CLINT1: variants seen among roughly 807,000 people sequenced by gnomAD.
The protein encoded by CLINT1 is clathrin interacting protein localized in the trans-Golgi region.
A neutral mutation model predicts 70.4 loss-of-function variants in CLINT1; 15 were observed. That is an observed-to-expected ratio of 0.21 (90% confidence interval 0.14 to 0.33). The LOEUF is 0.33. Ranked by LOEUF, CLINT1 falls within the 10% of genes least tolerant of loss-of-function variation. The probability of loss-of-function intolerance (pLI) is 1.00; values close to 1 mark genes in which losing one functional copy is unlikely to be tolerated. For synonymous variants in CLINT1, 227 were observed against 254.7 expected, an observed-to-expected ratio of 0.89 and a Z score of 1.04; for missense variants, 615 against 778.1, an observed-to-expected ratio of 0.79 and a Z score of 2.49.
At chr5:157,851,930 T>G (rs2113334822) in intron 1 of CLINT1, among the ~76,000 whole-genome samples, 1 of 152,286 alleles carries the variant, frequency 6.6e-6, no homozygotes, top group South Asian at 2.1e-4. Flanking sequence ...AGCCAAATAA[T>G]TTCTTGCCAA....
At chr5:157,812,871 C>T (rs776421900) in intron 5 of CLINT1, among the ~76,000 whole-genome samples, 192 bp downstream of exon 5, 5 of 152,140 alleles carry the variant, frequency 3.3e-5, no homozygotes, top group East Asian at 3.9e-4. Context: ...ATCCTATTGC[C>T]GAACCCACAA....
At chr5:157,842,745 C>G (rs1753229017) in intron 1 of CLINT1, among the ~76,000 whole-genome samples, 1 of 152,132 alleles carries the variant, frequency 6.6e-6, no homozygotes, top group African/African-American at 2.4e-5. Context: ...AGTTTAAGCT[C>G]CTAGGGTTCA....
At chr5:157,828,789 T>C (rs1445998958) in intron 1 of CLINT1, among the ~76,000 whole-genome samples, 1 of 151,724 alleles carries the variant, frequency 6.6e-6, no homozygotes, top group Non-Finnish European at 1.5e-5. Flanking sequence ...ACCACCTGCA[T>C]AGATAAAAAC....
At chr5:157,814,402 C>T in intron 3 of CLINT1, 109 bp from the exon 4 acceptor site, 1 of 757,670 alleles carries the variant, frequency 1.3e-6, no homozygotes, top group Non-Finnish European at 2.1e-6. Flanking sequence ...AATCTTCATG[C>T]TGGTGGTGAG....
rs1008496766 is a variant in CLINT1 at position 157,843,552 on chromosome 5, G to A, written c.41+15378C>T. On this transcript the variant is annotated intron_variant, in intron 1 of 11. Transcript: ENST00000411809. ...CTTATCCTCATTTTATACAGCAGAAGTAGAGGAAGTATCTTGACTCACGTC... is the reference window on the plus strand; with the variant it reads ...CTTATCCTCATTTTATACAGCAGAAATAGAGGAAGTATCTTGACTCACGTC... Among the ~76,000 whole-genome samples, 4 of 152,180 alleles carry A rather than the reference G, an allele frequency of 2.6e-5. No individual in the cohort carries two copies. The South Asian group carries it at 8.3e-4, about 31-fold the overall frequency.
At chr5:157,817,574 C>A (rs1229504686) in intron 1 of CLINT1, 27 bp from the exon 2 acceptor site, 1 of 1,410,030 alleles carries the variant, frequency 7.1e-7, no homozygotes, top group South Asian at 1.2e-5. Context: ...TGCACGCACA[C>A]ATGCACAAAG....
At chr5:157,825,788 C>T (rs1763017080) in intron 1 of CLINT1, among the ~76,000 whole-genome samples, 1 of 152,122 alleles carries the variant, frequency 6.6e-6, no homozygotes, top group South Asian at 2.1e-4. Context: ...ACTCTCACAT[C>T]AATTCTACTT....
At chr5:157,815,463 T>C (rs10043067) in intron 3 of CLINT1, among the ~76,000 whole-genome samples, 2,263 of 152,308 alleles carry the variant, frequency 0.015, 56 homozygotes, top group African/African-American at 0.051. Flanking sequence ...TACTATATAA[T>C]AAATTGTACA....
intron 1 of CLINT1, among the ~76,000 whole-genome samples, chr5:157,821,120 C>A (rs557558018): frequency 3.3e-5 from 5 of 152,060 alleles, no homozygotes; most frequent in Non-Finnish European, 5.9e-5. Context: ...GTTGAAGGCT[C>A]AAAGTCTTTG....
chr5:157,840,767 T>C (rs1753147224), intron 1 of CLINT1, among the ~76,000 whole-genome samples: 1 of 152,104 alleles, frequency 6.6e-6, no homozygotes, highest in African/African-American at 2.4e-5. Context: ...GCTGGCATGG[T>C]GGCTCACGCT....
At chr5:157,856,323 A>G (rs1159636008) in intron 1 of CLINT1, among the ~76,000 whole-genome samples, 1 of 152,190 alleles carries the variant, frequency 6.6e-6, no homozygotes, top group African/African-American at 2.4e-5. Context: ...CATTTTACAG[A>G]TAAGGAAGGC....
At chr5:157,790,646 G>A (rs781258701) in intron 10 of CLINT1, 10 of 433,974 alleles carry the variant, frequency 2.3e-5, no homozygotes, top group Non-Finnish European at 4.2e-5. Flanking sequence ...CCCCAAAGAC[G>A]AGAATCTACA....
chr5:157,792,255 TA>T (rs71721366), intron 9 of CLINT1, among the ~76,000 whole-genome samples: 2 of 150,732 alleles, frequency 1.3e-5, no homozygotes, highest in Non-Finnish European at 3.0e-5. Flanking sequence ...GAATTTACCA[TA>T]AAAAAAAATG....
Position 157,821,877 on chromosome 5 carries a change from A to G in CLINT1, c.42-4330T>C, listed in dbSNP as rs1762888675. Among the ~76,000 whole-genome samples, 3 of 152,212 alleles carry G rather than the reference A, an allele frequency of 2.0e-5. No homozygotes were observed. In the South Asian group the frequency reaches 6.2e-4, roughly 31 times the overall value. On this transcript the variant is annotated intron_variant, in intron 1 of 11. Transcript: ENST00000411809. ...AAGAATAAAATCCATAGACACAATCATTATTGTTTATGAAACTGTTTGTTG... is the reference window on the plus strand; with the variant it reads ...AAGAATAAAATCCATAGACACAATCGTTATTGTTTATGAAACTGTTTGTTG...
intron 1 of CLINT1, among the ~76,000 whole-genome samples, chr5:157,828,338 A>G (rs1763102818): frequency 6.6e-6 from 1 of 152,196 alleles, no homozygotes; most frequent in Non-Finnish European, 1.5e-5. Flanking sequence ...AGGATGAAAA[A>G]TAGCTTCCAA....
intron 1 of CLINT1, among the ~76,000 whole-genome samples, chr5:157,826,638 G>A (rs254676): frequency 4.0e-5 from 6 of 151,678 alleles, no homozygotes; most frequent in African/African-American, 1.5e-4. Context: ...ATACATGCAT[G>A]TGAGATCATA....
At chr5:157,810,715 G>A (rs1052834255) in intron 5 of CLINT1, among the ~76,000 whole-genome samples, 1 of 152,172 alleles carries the variant, frequency 6.6e-6, no homozygotes, top group African/African-American at 2.4e-5. Context: ...GGTACAGAGA[G>A]CACGTGAGGT....
At chr5:157,818,306 C>T (rs1356055436) in intron 1 of CLINT1, among the ~76,000 whole-genome samples, 2 of 151,918 alleles carry the variant, frequency 1.3e-5, no homozygotes, top group Admixed American at 6.6e-5. Flanking sequence ...TCAGTTTCCT[C>T]AACCAATAAA....
At chr5:157,836,207 AGGC>A (rs1763417418) in intron 1 of CLINT1, among the ~76,000 whole-genome samples, 1 of 152,230 alleles carries the variant, frequency 6.6e-6, no homozygotes, top group African/African-American at 2.4e-5. Context: ...CTAATGGGCC[AGGC>A]ATTGTCCTAA....
Sources: allele counts gnomAD v4.1 joint callset (sites outside exome capture counted in the v4.1 genomes callset), GRCh38; gene constraint gnomAD v4.1.1; transcripts MANE v1.5; gene names NCBI Gene and HGNC (gene_info 2026-07-23, HGNC 2026-07-21).